CELSR3: variants seen among roughly 807,000 people sequenced by gnomAD.
CELSR3 encodes EGF-like protein 1.
CELSR3 carries 73 observed loss-of-function variants against 270.0 expected under a neutral mutation model. That is an observed-to-expected ratio of 0.27 (90% CI 0.22 to 0.33). CELSR3 has a LOEUF of 0.33. Among genes scored for constraint, CELSR3 ranks in the 10% least tolerant of loss-of-function variants. The pLI, the probability that CELSR3 is intolerant of heterozygous loss-of-function variation, is 1.00. For synonymous variants in CELSR3, 1,780 were observed against 1,905.4 expected (o/e 0.93, Z 1.71); for missense variants, 3,614 against 4,533.8 (o/e 0.80, Z 5.83).
At chr3:48,638,278 G>GAGTCA in intron 34 of CELSR3, 46 bp from the exon 35 acceptor site, 5 of 1,512,242 alleles carry the variant, frequency 3.3e-6, no homozygotes, top group Non-Finnish European at 4.6e-6. Flanking sequence ...AGAGGACTCC[G>GAGTCA]AGTCAGGCGG....
Position 48,652,855 on chromosome 3 carries a change from C to A in CELSR3, c.5634+147G>T. 1.3e-6 allele frequency: 1 copy of A among 775,360 alleles called. No homozygotes were observed. The highest frequency in any genetic ancestry group is 2.1e-6 in the Non-Finnish European group (1 of 468,732). The allele number at this position is 775,360 out of a possible 1,614,324, so 48.0% of individuals were successfully genotyped here. A position where few individuals can be genotyped will look rare whatever the true frequency, so the allele number is the denominator to read the frequency against. ...ACTTGGCTGGTGGGTGGGCTCAGTG[C>A]AAGGATATATGGTGGGGAACTAGGG... On this transcript the variant is annotated intron_variant, in intron 10 of 34. Coordinates refer to ENST00000164024, the MANE Select transcript of CELSR3 (RefSeq NM_001407.3). This position sits in a 1 kb window ranked among gnomAD's most constrained non-coding sequence, Gnocchi z 4.3.
chr3:48,662,657 C>G lies in CELSR3; in HGVS notation c.-23G>C, dbSNP rs1041290164. 3.3e-5 allele frequency: 40 copies of G among 1,211,572 alleles called. No homozygotes were observed. The highest frequency in any genetic ancestry group is 3.0e-4 in the Middle Eastern group (1 of 3,332). 75.1% of individuals were successfully genotyped at this position (1,211,572 alleles called of 1,614,324 possible). On this transcript the variant is annotated 5_prime_UTR_variant, in exon 1 of 35. Coordinates refer to ENST00000164024, the MANE Select transcript of CELSR3 (RefSeq NM_001407.3). The surrounding 1 kb of genome is among the most constrained non-coding windows in gnomAD (Gnocchi z 7.1). ...CATCCCCCGCCTCCCTGCACGGCCTCCACCGCCCCCCGCCCCGGTCCGGGC... is the reference window on the plus strand; with the variant it reads ...CATCCCCCGCCTCCCTGCACGGCCTGCACCGCCCCCCGCCCCGGTCCGGGC...
rs2047012535 is a variant in CELSR3 at position 48,640,248 on chromosome 3, C to T, written c.9337G>A (p.Glu3113Lys). Residue 3113 changes from glutamate (E) to lysine (K), a missense_variant, in exon 34 of 35, where the codon GAG becomes AAG. Transcript: ENST00000164024. This position sits in a 1 kb window ranked among gnomAD's most constrained non-coding sequence, Gnocchi z 7.5. ...AGGGTGCTGCCCCGATCTTTGGGCT[C>T]CAGTCGGCCTGGTGCAGCATCCATG... ...ECMDAAPGRL[E>K]PKDRGSTLPR... 6.2e-7 allele frequency: 1 copy of T among 1,612,818 alleles called. No homozygotes were observed. Among genetic ancestry groups the T allele is most frequent in the Non-Finnish European group, 8.5e-7 (1 of 1,179,946 alleles).
rs1421583493 is a variant in CELSR3 at position 48,657,556 on chromosome 3, A to G, written c.3749-208T>C. Among the ~76,000 whole-genome samples the G allele has an allele frequency of 6.6e-6, 1 of 152,000 alleles. No homozygotes were observed. The highest frequency in any genetic ancestry group is 1.5e-5 in the Non-Finnish European group (1 of 67,998). On this transcript the variant is annotated intron_variant, in intron 1 of 34. Coordinates refer to ENST00000164024, the MANE Select transcript of CELSR3 (RefSeq NM_001407.3). The surrounding 1 kb of genome is among the most constrained non-coding windows in gnomAD (Gnocchi z 5.4). ...CAAAAAGCTGCTGCTTCCTCCCCCA[A>G]TCCCCAATACACGGAGGGGTCTGGG... is the stretch of plus-strand genomic sequence containing the variant.
Position 48,650,480 on chromosome 3 carries a change from C to G in CELSR3, c.6472G>C (p.Gly2158Arg). 1 of 1,594,776 alleles carries G rather than the reference C, an allele frequency of 6.3e-7. No individual in the cohort carries two copies. Residue 2158 changes from glycine to arginine, a missense_variant and splice_region_variant, in exon 16 of 35, where the codon GGT becomes CGT. Transcript: ENST00000164024. This position sits in a 1 kb window ranked among gnomAD's most constrained non-coding sequence, Gnocchi z 5.1. ...ATGTCCTTTCCCCCCACATACTCAC[C>G]CAGGGCCCCCCGGGGACAGGGCACT... ...ATVPCPRGAL[G>R]AAVRLCDEAQ...
In CELSR3 at chr3:48,638,015, C is replaced by T. The variant is rs1559474002; in HGVS notation, c.*190G>A. On this transcript the variant is annotated 3_prime_UTR_variant, in exon 35 of 35. Coordinates refer to ENST00000164024, the MANE Select transcript of CELSR3 (RefSeq NM_001407.3). ...TAAAAGTCTCCCTCCAGTCCCCCGTCTCTGCACCTGTCACACGCATGCTCA... is the reference window on the plus strand; with the variant it reads ...TAAAAGTCTCCCTCCAGTCCCCCGTTTCTGCACCTGTCACACGCATGCTCA... 10 of 578,280 alleles carry T rather than the reference C, an allele frequency of 1.7e-5. No individual in the cohort carries two copies. In the East Asian group the frequency reaches 2.8e-4, roughly 16 times the overall value. The allele number at this position is 578,280 out of a possible 1,614,324, so 35.8% of individuals were successfully genotyped here.
At chr3:48,643,401 T>G (rs1181379606) in intron 28 of CELSR3, 153 bp downstream of exon 28, 2 of 1,066,074 alleles carry the variant, frequency 1.9e-6, no homozygotes, top group Non-Finnish European at 2.6e-6. Flanking sequence ...GGGCAGCAGC[T>G]AGGGCCAGTG....
At position 48,641,594 on chromosome 3, in the gene CELSR3, G is replaced by T; in HGVS notation, c.8825-70C>A. ...GTGACTCATGACCCCTGACCCTAAT[G>T]ACCCTTGAAACCCTGGCTGTTCTCA... On this transcript the variant is annotated intron_variant, in intron 32 of 34. Transcript: ENST00000164024. The surrounding 1 kb of genome is among the most constrained non-coding windows in gnomAD (Gnocchi z 4.8). 8.3e-7 allele frequency: 1 copy of T among 1,203,720 alleles called. No homozygotes were observed. 74.6% of individuals were successfully genotyped at this position (1,203,720 alleles called of 1,614,324 possible).
At chr3:48,643,501 A>G in intron 28 of CELSR3, 53 bp downstream of exon 28, 1 of 1,535,686 alleles carries the variant, frequency 6.5e-7, no homozygotes, top group Non-Finnish European at 8.8e-7. Context: ...GGATGGCCCC[A>G]GCCTACTGAA....
Position 48,656,130 on chromosome 3 carries a change from G to T in CELSR3, c.4625+10C>A. ...GCGGGGAGGCGCTCAGACACGGGGC[G>T]GGCACCTACGAGAGGGACAGCGTAA... On this transcript the variant is annotated intron_variant, in intron 3 of 34. Coordinates refer to ENST00000164024, the MANE Select transcript of CELSR3 (RefSeq NM_001407.3). The T allele has an allele frequency of 6.5e-7, 1 of 1,534,236 alleles. No homozygotes were observed. The highest frequency in any genetic ancestry group is 8.7e-7 in the Non-Finnish European group (1 of 1,145,858).
chr3:48,648,149 T>A, intron 19 of CELSR3, 117 bp downstream of exon 19: 2 of 1,418,168 alleles, frequency 1.4e-6, no homozygotes, highest in Non-Finnish European at 1.9e-6. Context: ...CTGAGGGCGG[T>A]GGCTGAGTCT....
rs1223235239 is a variant in CELSR3 at position 48,637,035 on chromosome 3, C to CA, written c.*1169dup. The CA allele has an allele frequency of 2.6e-5, 4 of 152,502 alleles. No individual in the cohort carries two copies. The highest frequency in any genetic ancestry group is 4.8e-5 in the African/African-American group (2 of 41,432). 9.4% of individuals were successfully genotyped at this position (152,502 alleles called of 1,614,324 possible). On this transcript the variant is annotated 3_prime_UTR_variant, in exon 35 of 35. Transcript: ENST00000164024. ...TCTACTGTAAACAAAGTGTAAAACT[C>CA]AAAGTTTTGAGTTGTAAACAAAGTA...
Position 48,656,638 on chromosome 3 carries a change from T to C in CELSR3, c.4399+60A>G, listed in dbSNP as rs1177315578. ...TGACTCCCAGTACTCACTCGCATTG[T>C]GGTCCCGCCCCCAGCCTTGGCCCGT... On this transcript the variant is annotated intron_variant, in intron 2 of 34. Coordinates refer to ENST00000164024, the MANE Select transcript of CELSR3 (RefSeq NM_001407.3). 3.5e-6 allele frequency: 5 copies of C among 1,438,056 alleles called. No homozygotes were observed. In the Admixed American group the frequency reaches 1.1e-4, roughly 33 times the overall value. The allele number at this position is 1,438,056 out of a possible 1,614,324, so 89.1% of individuals were successfully genotyped here. A position where few individuals can be genotyped will look rare whatever the true frequency, so the allele number is the denominator to read the frequency against.
chr3:48,640,232 C>A lies in CELSR3; in HGVS notation c.9353G>T (p.Gly3118Val), dbSNP rs2047012302. The part of the protein sequence containing the change: ...APGRLEPKDR[G>V]STLPRRQPPR... ...TGGCTGCCTCCGTGGCAGGGTGCTG[C>A]CCCGATCTTTGGGCTCCAGTCGGCC... Residue 3118 changes from glycine (G) to valine (V), a missense_variant, in exon 34 of 35, where the codon GGC (glycine) becomes GTC (valine). By Grantham distance (109) the Gly-to-Val change is moderately radical (BLOSUM62 -3). This residue lies in a region of CELSR3 where 1,240 missense variants were observed against 1,351.7 expected (regional missense o/e 0.92). Transcript: ENST00000164024. The surrounding 1 kb of genome is among the most constrained non-coding windows in gnomAD (Gnocchi z 7.5). 1 of 1,612,656 alleles carries A rather than the reference C, an allele frequency of 6.2e-7. No individual in the cohort carries two copies. Among genetic ancestry groups the A allele is most frequent in the African/African-American group, 1.3e-5 (1 of 74,922 alleles).
chr3:48,649,036 G>T, intron 17 of CELSR3, 85 bp downstream of exon 17: 1 of 1,539,332 alleles, frequency 6.5e-7, no homozygotes. Flanking sequence ...AGGCTCAGGA[G>T]TTCAAGGGCT....
Position 48,642,613 on chromosome 3 carries a change from A to G in CELSR3, c.8555+123T>C, listed in dbSNP as rs529485557. On this transcript the variant is annotated intron_variant, in intron 30 of 34. Transcript: ENST00000164024. The surrounding 1 kb of genome is among the most constrained non-coding windows in gnomAD (Gnocchi z 6.1). ...GGGAAGCATTTAGGGCAGAGGCAGA[A>G]GCAGGGCCCCAGATGGCCAAGATGG... 6.8e-7 allele frequency: 1 copy of G among 1,461,854 alleles called. No homozygotes were observed. The highest frequency in any genetic ancestry group is 1.4e-5 in the African/African-American group (1 of 71,492). The allele number at this position is 1,461,854 out of a possible 1,614,324, so 90.6% of individuals were successfully genotyped here. A position where few individuals can be genotyped will look rare whatever the true frequency, so the allele number is the denominator to read the frequency against.
At chr3:48,643,468 G>T in intron 28 of CELSR3, 86 bp downstream of exon 28, 1 of 1,478,438 alleles carries the variant, frequency 6.8e-7, no homozygotes, top group Non-Finnish European at 9.1e-7. Flanking sequence ...TCAGCTCCAG[G>T]CCTAGGGTCA....
chr3:48,661,844 T>C lies in CELSR3; in HGVS notation c.791A>G (p.Glu264Gly), dbSNP rs1559482910. Reference sequence around the variant, plus strand: ...CGCCGGCTCGGGAGCTGTCCGAGACTCGCGGGGTGCTGAACCTGATGCAGG... The same window carrying C: ...CGCCGGCTCGGGAGCTGTCCGAGACCCGCGGGGTGCTGAACCTGATGCAGG... ...TAPASGSAPR[E>G]SRTAPEPAPK... The change falls in exon 1 of 35, where the codon GAG becomes GGG. Residue 264 changes from glutamate (E) to glycine (G), a missense_variant. Glu to Gly is a moderately conservative substitution (Grantham distance 98). Coordinates refer to ENST00000164024, the MANE Select transcript of CELSR3 (RefSeq NM_001407.3). 1 of 1,610,334 alleles carries C rather than the reference T, an allele frequency of 6.2e-7. No homozygotes were observed. The highest frequency in any genetic ancestry group is 1.7e-4 in the Middle Eastern group (1 of 5,962).
rs1220970502 is a variant in CELSR3 at position 48,644,168 on chromosome 3, G to C, written c.8165+48C>G. 2 of 1,553,470 alleles carry C rather than the reference G, an allele frequency of 1.3e-6. No individual in the cohort carries two copies. The highest frequency in any genetic ancestry group is 2.2e-5 in the South Asian group (2 of 89,186). On this transcript the variant is annotated intron_variant, in intron 27 of 34. Transcript: ENST00000164024. This position sits in a 1 kb window ranked among gnomAD's most constrained non-coding sequence, Gnocchi z 4.8. ...TGGGGGCCCCAGACCCCACCCAGGA[G>C]GGACCTGCCATCCTGAGAAGCCCCC...
Sources: gnomAD v4.1 joint callset for allele counts (sites outside exome capture counted in the v4.1 genomes callset) on GRCh38, gnomAD v4.1.1 for gene constraint, gnomAD v4.1.1 regional missense constraint, Gnocchi (gnomAD v3.1) non-coding constraint, MANE v1.5 for transcripts, NCBI Gene and HGNC (gene_info 2026-07-23, HGNC 2026-07-21) for gene names.